Variants in SLC4A8 observed in about 807,000 individuals in gnomAD.
SLC4A8 encodes the protein solute carrier family 4 member 8.
SLC4A8 carries 40 observed loss-of-function variants against 125.0 expected under a neutral mutation model. That is an observed-to-expected ratio of 0.32 (90% confidence interval 0.25 to 0.42). The LOEUF is 0.42. SLC4A8 is among the 10% of genes least tolerant of loss of function. The probability of loss-of-function intolerance (pLI) is 1.00; values close to 1 mark genes in which losing one functional copy is unlikely to be tolerated. For missense variants in SLC4A8, 863 were observed against 1,355.1 expected (o/e 0.64, Z 5.70); for synonymous variants, 456 against 476.0 (o/e 0.96, Z 0.55).
upstream of SLC4A8, among the ~76,000 whole-genome samples, chr12:51,423,877 T>C (rs1181884621): frequency 6.6e-6 from 1 of 151,102 alleles, no homozygotes; most frequent in Non-Finnish European, 1.5e-5. Flanking sequence ...CTACTACAAA[T>C]ACAAAAAAAT....
intron 23 of SLC4A8, 99 bp from the exon 24 acceptor site, chr12:51,505,736 C>T (rs1938139642): frequency 1.9e-6 from 1 of 519,526 alleles, no homozygotes; most frequent in East Asian, 3.2e-5. Flanking sequence ...TGGTCTCAAA[C>T]CCCATCTTCT....
Position 51,409,391 on chromosome 12 carries a change from T to C in SLC4A8, c.-112+17903T>C, listed in dbSNP as rs148990437. Among the ~76,000 whole-genome samples, 11 of 152,340 alleles carry C rather than the reference T, an allele frequency of 7.2e-5. No homozygotes were observed. The East Asian group carries it at 1.2e-3, about 16-fold the overall frequency. The stretch of plus-strand genomic sequence containing the variant: ...TCTCATCTTGTTATCTAATCAGTTG[T>C]GCTTTGTGTTATAGGAAAGCTGTTG... On this transcript the variant is annotated intron_variant, in intron 1 of 24. Coordinates refer to the SLC4A8 transcript ENST00000358657.
chr12:51,425,242 G>C, intron 1 of SLC4A8: 1 of 1,366,398 alleles, frequency 7.3e-7, no homozygotes, highest in South Asian at 1.7e-5. Flanking sequence ...GGCCGAACCT[G>C]GGATCTGGCC....
chr12:51,505,980 A>G lies in SLC4A8; in HGVS notation c.3269+50A>G, dbSNP rs765096602. 1.1e-5 allele frequency: 9 copies of G among 848,718 alleles called. No homozygotes were observed. The African/African-American group carries it at 1.4e-4, about 13-fold the overall frequency. 52.6% of individuals were successfully genotyped at this position (848,718 alleles called of 1,614,324 possible). On this transcript the variant is annotated intron_variant, in intron 24 of 24. Transcript: ENST00000453097. ...TTTTATTTATTTCTGGCTTTTGACA[A>G]TGGCGATATTGAAGGTAAAATGTGT...
chr12:51,447,068 G>GTCTA (rs71089801), intron 2 of SLC4A8, among the ~76,000 whole-genome samples: 2,017 of 149,496 alleles, frequency 0.013, 44 homozygotes, highest in East Asian at 0.066. Context: ...CTATCTATCT[G>GTCTA]TCTATCTATC....
intron 13 of SLC4A8, among the ~76,000 whole-genome samples, chr12:51,470,988 T>A (rs908594845): frequency 3.3e-5 from 5 of 152,182 alleles, no homozygotes; most frequent in African/African-American, 9.7e-5. Flanking sequence ...CATGGGACTA[T>A]GGCCAGCCCC....
At chr12:51,452,369 T>A in intron 4 of SLC4A8, 110 bp downstream of exon 4, 1 of 1,234,876 alleles carries the variant, frequency 8.1e-7, no homozygotes, top group Non-Finnish European at 1.2e-6. Context: ...AAGCTGTGAC[T>A]GACATGGGGA....
chr12:51,408,990 A>T (rs1027502978), intron 1 of SLC4A8, among the ~76,000 whole-genome samples: 5 of 151,894 alleles, frequency 3.3e-5, no homozygotes, highest in Non-Finnish European at 7.4e-5. Context: ...TAATGTCCTG[A>T]AATTTAAAGA....
At chr12:51,500,678 T>TG (rs1937821827) in intron 22 of SLC4A8, among the ~76,000 whole-genome samples, 1 of 151,630 alleles carries the variant, frequency 6.6e-6, no homozygotes, top group Admixed American at 6.6e-5. Context: ...TTTAAATTAG[T>TG]GGGATTATTT....
rs139025464 is a variant in SLC4A8 at position 51,450,539 on chromosome 12, T to C, written c.131-337T>C. The stretch of plus-strand genomic sequence containing the variant: ...CCACACTTGTCATAGAGCAACTGTA[T>C]TGCCTTTTAAAAAAATCACTCAGTC... On this transcript the variant is annotated intron_variant, in intron 2 of 24. Transcript: ENST00000453097. The C allele has an allele frequency of 4.6e-4, 108 of 232,372 alleles. 2 individuals carry two copies. The Admixed American group carries it at 5.6e-3, about 12-fold the overall frequency. The allele number at this position is 232,372 out of a possible 1,614,324, so 14.4% of individuals were successfully genotyped here.
rs746462255 is a variant in SLC4A8, at chr12:51,462,344, G to A, written c.1136G>A (p.Arg379Gln). 21 of 1,613,848 alleles carry A rather than the reference G, an allele frequency of 1.3e-5. No individual in the cohort carries two copies. The highest frequency in any genetic ancestry group is 2.2e-5 in the East Asian group (1 of 44,874). ...GACGTAGCATATAAGGCAAAAGAGC[G>A]AGATGATCTCCTGGCGGGGATTGAT... is the stretch of plus-strand genomic sequence containing the variant. ...FHDVAYKAKE[R>Q]DDLLAGIDEF... is the part of the protein sequence containing the mutation. Residue 379 changes from arginine to glutamine, a missense_variant, in exon 10 of 25, where the codon CGA (arginine) becomes CAA (glutamine). By Grantham distance (43) the Arg-to-Gln change is conservative (BLOSUM62 1). This residue lies in a region of SLC4A8 where 390 missense variants were observed against 634.4 expected (regional missense o/e 0.61). Transcript: ENST00000453097.
intron 1 of SLC4A8, among the ~76,000 whole-genome samples, chr12:51,400,785 T>TACAC (rs869278660): frequency 1.8e-4 from 2 of 11,162 alleles, no homozygotes; most frequent in Non-Finnish European, 3.1e-4. Flanking sequence ...TATACATACA[T>TACAC]ACACACACAC....
At chr12:51,412,603 T>C (rs887182889) in intron 1 of SLC4A8, among the ~76,000 whole-genome samples, 2 of 152,214 alleles carry the variant, frequency 1.3e-5, no homozygotes, top group African/African-American at 4.8e-5. Flanking sequence ...CTTCCTAGCC[T>C]CTGGTAACTA....
At chr12:51,506,754 AAACCAAATACCGT>A (rs1351517353) in intron 24 of SLC4A8, among the ~76,000 whole-genome samples, 1 of 152,188 alleles carries the variant, frequency 6.6e-6, no homozygotes, top group Non-Finnish European at 1.5e-5. Context: ...TTCTGTTTTG[AAACCAAATACCGT>A]ATATCATTTA....
At position 51,511,151 on chromosome 12, in the gene SLC4A8, C is replaced by G. The variant is rs1938353295; in HGVS notation, c.*3713C>G. 6.6e-6 allele frequency: 1 copy of G among 152,234 alleles called. No individual in the cohort carries two copies. The highest frequency in any genetic ancestry group is 6.5e-5 in the Admixed American group (1 of 15,284). The allele number at this position is 152,234 out of a possible 1,614,324, so 9.4% of individuals were successfully genotyped here. A position where few individuals can be genotyped will look rare whatever the true frequency, so the allele number is the denominator to read the frequency against. On this transcript the variant is annotated 3_prime_UTR_variant, in exon 25 of 25. Coordinates refer to ENST00000453097, the MANE Select transcript of SLC4A8 (RefSeq NM_001039960.3). ...TCCTTGAGCTTACTTTCAGGAATTC[C>G]TCCTGGAATTGGTTTTCCTTGGTGG...
intron 2 of SLC4A8, among the ~76,000 whole-genome samples, chr12:51,445,292 C>T (rs566943833): frequency 2.0e-5 from 3 of 152,278 alleles, no homozygotes; most frequent in African/African-American, 7.2e-5. Flanking sequence ...ACCTCAGCCT[C>T]CCAATAGCTG....
chr12:51,407,434 AT>A (rs58496155), intron 1 of SLC4A8, among the ~76,000 whole-genome samples: 7,077 of 144,266 alleles, frequency 0.049, 525 homozygotes, highest in African/African-American at 0.16. Flanking sequence ...TATAAAAAAA[AT>A]TTTTTTTTTT....
intron 18 of SLC4A8, 46 bp downstream of exon 18, chr12:51,488,906 C>A: frequency 6.5e-7 from 1 of 1,542,068 alleles, no homozygotes; most frequent in African/African-American, 1.4e-5. Context: ...CAACCTGTTA[C>A]ATTTTCGTAA....
chr12:51,434,553 A>C (rs1056493593), intron 1 of SLC4A8, among the ~76,000 whole-genome samples: 3 of 152,250 alleles, frequency 2.0e-5, no homozygotes, highest in Non-Finnish European at 4.4e-5. Context: ...CAGTGAATTT[A>C]GGCTGTGGTT....
Sources: gnomAD v4.1 joint callset for allele counts (sites outside exome capture counted in the v4.1 genomes callset) on GRCh38, gnomAD v4.1.1 for gene constraint, gnomAD v4.1.1 regional missense constraint, MANE v1.5 for transcripts, NCBI Gene and HGNC (gene_info 2026-07-23, HGNC 2026-07-21) for gene names.